The following ELMO1 variants were observed in gnomAD, a reference collection of about 807,000 sequenced individuals.
ELMO1 encodes the protein engulfment and cell motility protein 1.
ELMO1 carries 26 observed loss-of-function variants against 98.9 expected under a neutral mutation model. That is an observed-to-expected ratio of 0.26 (90% CI 0.19 to 0.36). ELMO1 has a LOEUF of 0.36. Among genes scored for constraint, ELMO1 ranks in the 10% least tolerant of loss-of-function variants. The pLI is 1.00. For missense variants in ELMO1, 627 were observed against 935.2 expected, an observed-to-expected ratio of 0.67 and a Z score of 4.30; for synonymous variants, 346 against 346.0, an observed-to-expected ratio of 1.00 and a Z score of 0.00.
chr7:37,279,019 G>A (rs1368258124), intron 4 of ELMO1, among the ~76,000 whole-genome samples: 1 of 152,060 alleles, frequency 6.6e-6, no homozygotes, highest in African/African-American at 2.4e-5. Flanking sequence ...GGGCAACATG[G>A]TGAAACCCGG....
intron 16 of ELMO1, among the ~76,000 whole-genome samples, chr7:36,962,587 G>A: frequency 6.6e-6 from 1 of 150,766 alleles, no homozygotes; most frequent in African/African-American, 2.4e-5. Flanking sequence ...CTAATTGGAT[G>A]TGGTAGGTGT....
intron 16 of ELMO1, among the ~76,000 whole-genome samples, chr7:36,953,227 A>G (rs963440383): frequency 3.3e-5 from 5 of 152,130 alleles, no homozygotes; most frequent in African/African-American, 1.2e-4. Flanking sequence ...TCAGTCTCCC[A>G]AAATGCTGGG....
At chr7:36,863,797 T>C (rs1013979934) in intron 20 of ELMO1, among the ~76,000 whole-genome samples, 2 of 152,228 alleles carry the variant, frequency 1.3e-5, no homozygotes, top group Non-Finnish European at 2.9e-5. Context: ...TGATAGGTCA[T>C]AGGTCATTAT....
chr7:36,905,896 AT>A (rs1783924836), intron 16 of ELMO1, among the ~76,000 whole-genome samples: 1 of 152,236 alleles, frequency 6.6e-6, no homozygotes, highest in Non-Finnish European at 1.5e-5. Flanking sequence ...TGAAAAGTCC[AT>A]TGTCTCATAT....
At chr7:37,049,235 T>C (rs768935856) in intron 15 of ELMO1, among the ~76,000 whole-genome samples, 1 of 152,088 alleles carries the variant, frequency 6.6e-6, no homozygotes, top group Non-Finnish European at 1.5e-5. Flanking sequence ...GGTCACTGCC[T>C]GCAACCGAGC....
intron 13 of ELMO1, among the ~76,000 whole-genome samples, chr7:37,175,920 C>CAGTGTATAAGAACAT (rs1239529644): frequency 1.6e-4 from 24 of 152,292 alleles, no homozygotes; most frequent in African/African-American, 5.5e-4. Context: ...TCTCTGTTCT[C>CAGTGTATAAGAACAT]AGTGTATAAG....
At chr7:37,437,771 C>T (rs1805211263) in intron 1 of ELMO1, among the ~76,000 whole-genome samples, 1 of 17,610 alleles carries the variant, frequency 5.7e-5, no homozygotes. Flanking sequence ...AGATCGAGAC[C>T]ATCCTGGCTA....
intron 16 of ELMO1, among the ~76,000 whole-genome samples, chr7:36,989,768 A>C (rs965558171): frequency 1.3e-5 from 2 of 152,224 alleles, no homozygotes; most frequent in Non-Finnish European, 2.9e-5. Flanking sequence ...AAGAGAGAGC[A>C]TGCAAGTTCA....
At chr7:37,144,125 C>A (rs1419842184) in intron 13 of ELMO1, among the ~76,000 whole-genome samples, 1 of 151,798 alleles carries the variant, frequency 6.6e-6, no homozygotes, top group African/African-American at 2.4e-5. Context: ...TAGGCTCTTA[C>A]TGAACAAAAG....
chr7:37,179,528 C>T (rs568806307), intron 13 of ELMO1, among the ~76,000 whole-genome samples: 27 of 152,252 alleles, frequency 1.8e-4, no homozygotes, highest in African/African-American at 5.5e-4. Context: ...CCGCCTGCCT[C>T]GGCCTCCCAA....
chr7:37,246,916 T>G (rs1477690954), intron 6 of ELMO1, among the ~76,000 whole-genome samples: 1 of 151,850 alleles, frequency 6.6e-6, no homozygotes, highest in Non-Finnish European at 1.5e-5. Flanking sequence ...TGGCAGTGAT[T>G]TAATTGACTT....
intron 15 of ELMO1, among the ~76,000 whole-genome samples, chr7:37,066,938 T>C (rs1768939889): frequency 6.6e-6 from 1 of 152,214 alleles, no homozygotes; most frequent in Non-Finnish European, 1.5e-5. Context: ...TAAGCAAAAC[T>C]AGTGGGTCAC....
Position 36,889,529 on chromosome 7 carries a change from G to A in ELMO1, c.1602-1857C>T, listed in dbSNP as rs1584316788. ...GGTACCAGAGGATGGAGAAAATCTG[G>A]GAGAAAGAGTTTTGGAATTTCATCA... On this transcript the variant is annotated intron_variant, in intron 17 of 21. Transcript: ENST00000310758. 5.3e-5 allele frequency among the ~76,000 whole-genome samples: 8 copies of A among 152,284 alleles called. No individual in the cohort carries two copies. In the South Asian group the frequency reaches 1.7e-3, roughly 32 times the overall value.
At chr7:37,248,721 C>T (rs1210582944) in intron 6 of ELMO1, among the ~76,000 whole-genome samples, 1 of 152,242 alleles carries the variant, frequency 6.6e-6, no homozygotes, top group Non-Finnish European at 1.5e-5. Context: ...AGGTAAAGTG[C>T]AAAACGTGCA....
intron 16 of ELMO1, among the ~76,000 whole-genome samples, chr7:36,914,664 C>T (rs1784566037): frequency 6.6e-6 from 1 of 152,044 alleles, no homozygotes; most frequent in Non-Finnish European, 1.5e-5. Flanking sequence ...CAGGTGTGGG[C>T]CACCACGCCT....
At chr7:37,439,391 A>G (rs1192381397) in intron 1 of ELMO1, among the ~76,000 whole-genome samples, 2 of 152,178 alleles carry the variant, frequency 1.3e-5, no homozygotes, top group African/African-American at 4.8e-5. Flanking sequence ...AAGTCACCTC[A>G]TTTGTGAACA....
intron 2 of ELMO1, among the ~76,000 whole-genome samples, chr7:37,318,157 T>C (rs1474905855): frequency 6.6e-6 from 1 of 152,172 alleles, no homozygotes; most frequent in African/African-American, 2.4e-5. Context: ...TGTCCACTGT[T>C]TATGGCTCTT....
intron 3 of ELMO1, 126 bp downstream of exon 3, chr7:37,315,794 C>G: frequency 1.2e-6 from 1 of 836,590 alleles, no homozygotes; most frequent in Admixed American, 2.4e-5. Flanking sequence ...CACAGTAATT[C>G]TTATTGACTT....
At position 37,407,238 on chromosome 7, in the gene ELMO1, G is replaced by T. The variant is rs544688585; in HGVS notation, c.-74+41437C>A. 7.6e-4 allele frequency among the ~76,000 whole-genome samples: 116 copies of T among 152,190 alleles called. 1 individual carries two copies. Among genetic ancestry groups the T allele is most frequent in the South Asian group, 3.5e-3 (17 of 4,822 alleles). On this transcript the variant is annotated intron_variant, in intron 1 of 21. Coordinates refer to ENST00000310758, the MANE Select transcript of ELMO1 (RefSeq NM_014800.11). ...AAGAACATGGATGAGGGTCTGGCGC[G>T]GTGGCTCACGTCTGTAATCCTAGCA...
Sources: gnomAD v4.1 joint callset for allele counts (sites outside exome capture counted in the v4.1 genomes callset) on GRCh38, gnomAD v4.1.1 for gene constraint, MANE v1.5 for transcripts, NCBI Gene and HGNC (gene_info 2026-07-23, HGNC 2026-07-21) for gene names.